Variants in KDM4C observed in about 807,000 individuals in gnomAD.
The protein encoded by KDM4C is lysine demethylase 4C.
KDM4C carries 81 observed loss-of-function variants against 129.3 expected under a neutral mutation model. The ratio of observed to expected loss-of-function variants is 0.63; its 90% CI spans 0.52 to 0.75. KDM4C has a LOEUF of 0.75. KDM4C is among the 30% of genes least tolerant of loss of function. The pLI is 0.00. For missense variants in KDM4C, 1,457 were observed against 1,304.0 expected (o/e 1.12, Z -1.81); for synonymous variants, 573 against 456.1 (o/e 1.26, Z -3.26).
chr9:6,755,185 C>A (rs995020232), upstream of KDM4C, among the ~76,000 whole-genome samples: 1 of 152,192 alleles, frequency 6.6e-6, no homozygotes, highest in African/African-American at 2.4e-5. Flanking sequence ...TCCTGGCTAA[C>A]ACGGTGAAAC....
intron 19 of KDM4C, among the ~76,000 whole-genome samples, chr9:7,151,288 C>A (rs533561849): frequency 6.8e-6 from 1 of 147,714 alleles, no homozygotes; most frequent in Non-Finnish European, 1.5e-5. Context: ...CCAAGTGTGA[C>A]TGGTGGAAAA....
At chr9:7,150,897 T>C (rs1446859795) in intron 19 of KDM4C, among the ~76,000 whole-genome samples, 2 of 152,236 alleles carry the variant, frequency 1.3e-5, no homozygotes, top group Non-Finnish European at 2.9e-5. Flanking sequence ...AATATACCTC[T>C]GAGGCTTAAT....
At chr9:7,153,923 C>T (rs1416906431) in intron 19 of KDM4C, among the ~76,000 whole-genome samples, 1 of 152,184 alleles carries the variant, frequency 6.6e-6, no homozygotes, top group Admixed American at 6.5e-5. Context: ...TGGACCTAAC[C>T]TCTGCTGTAG....
At chr9:6,916,625 T>A (rs1320719931) in intron 8 of KDM4C, among the ~76,000 whole-genome samples, 1 of 152,248 alleles carries the variant, frequency 6.6e-6, no homozygotes, top group Non-Finnish European at 1.5e-5. Context: ...CCAGCAAATA[T>A]ATATTAAGCT....
chr9:7,170,783 T>TTG, intron 21 of KDM4C: 3 of 983,466 alleles, frequency 3.1e-6, no homozygotes, highest in Non-Finnish European at 3.6e-6. Flanking sequence ...TATAGATTAT[T>TTG]TGGTTATTTT....
At chr9:6,833,569 T>C (rs1835305953) in intron 4 of KDM4C, among the ~76,000 whole-genome samples, 1 of 152,226 alleles carries the variant, frequency 6.6e-6, no homozygotes, top group Non-Finnish European at 1.5e-5. Flanking sequence ...CTTGGCAAGT[T>C]ATCTGTCTTT....
At chr9:7,170,033 C>G (rs937121265) in intron 21 of KDM4C, 143 bp downstream of exon 21, 5 of 1,532,924 alleles carry the variant, frequency 3.3e-6, no homozygotes, top group Non-Finnish European at 3.5e-6. Context: ...CTTAGTGGAA[C>G]CTATTGAATG....
intron 18 of KDM4C, among the ~76,000 whole-genome samples, chr9:7,122,265 A>ACACACACTCTCT (rs375655422): frequency 1.7e-4 from 24 of 144,822 alleles, no homozygotes; most frequent in East Asian, 8.3e-4. Context: ...ACACACACAC[A>ACACACACTCTCT]CTCTCTCTCT....
intron 8 of KDM4C, among the ~76,000 whole-genome samples, chr9:6,904,527 C>T (rs1452750716): frequency 6.6e-6 from 1 of 151,816 alleles, no homozygotes; most frequent in East Asian, 1.9e-4. Flanking sequence ...GCTCTGTTTG[C>T]ATTCCCTGGG....
At chr9:6,913,472 G>A (rs905710586) in intron 8 of KDM4C, among the ~76,000 whole-genome samples, 3 of 152,138 alleles carry the variant, frequency 2.0e-5, no homozygotes, top group African/African-American at 4.8e-5. Flanking sequence ...CATACCTTGC[G>A]CCAGCTGGTG....
chr9:7,049,985 G>T (rs1829919347), intron 17 of KDM4C, among the ~76,000 whole-genome samples: 1 of 152,036 alleles, frequency 6.6e-6, no homozygotes, highest in African/African-American at 2.4e-5. Flanking sequence ...TCCACTGAAG[G>T]TCTTTCCACT....
intron 3 of KDM4C, among the ~76,000 whole-genome samples, chr9:6,808,834 A>G (rs1447832256): frequency 6.6e-6 from 1 of 152,096 alleles, no homozygotes; most frequent in East Asian, 1.9e-4. Context: ...GTGTCAATGA[A>G]TTTGTGGGCA....
chr9:7,038,825 C>T (rs890449730), intron 15 of KDM4C, among the ~76,000 whole-genome samples: 1 of 151,944 alleles, frequency 6.6e-6, no homozygotes. Flanking sequence ...GGTTAGATCT[C>T]ATTCTTTTCC....
chr9:6,832,570 C>T (rs1251204565), intron 4 of KDM4C, among the ~76,000 whole-genome samples: 41 of 147,384 alleles, frequency 2.8e-4, no homozygotes, highest in African/African-American at 9.5e-4. Flanking sequence ...GGACTACAGG[C>T]GCCCGCCACC....
intron 8 of KDM4C, chr9:6,925,633 A>G: frequency 1.0e-6 from 1 of 985,404 alleles, no homozygotes; most frequent in Non-Finnish European, 1.2e-6. Context: ...GTTTACCATC[A>G]GCCCTTCACC....
chr9:6,732,681 G>C (rs1234940850), intron 1 of KDM4C, among the ~76,000 whole-genome samples: 5 of 152,268 alleles, frequency 3.3e-5, no homozygotes, highest in Non-Finnish European at 7.4e-5. Context: ...ATTGAACCCA[G>C]CCCTCTATTG....
intron 1 of KDM4C, among the ~76,000 whole-genome samples, chr9:6,770,977 T>C (rs1386342333): frequency 1.3e-5 from 2 of 151,408 alleles, no homozygotes; most frequent in Non-Finnish European, 2.9e-5. Flanking sequence ...GGTTTCACCA[T>C]ATTGGCCAAG....
Position 6,984,362 on chromosome 9 carries a change from A to T in KDM4C, c.1312A>T (p.Met438Leu), listed in dbSNP as rs1471848774. 2 of 1,613,866 alleles carry T rather than the reference A, an allele frequency of 1.2e-6. No individual in the cohort carries two copies. The highest frequency in any genetic ancestry group is 1.7e-6 in the Non-Finnish European group (2 of 1,179,754). Reference sequence around the variant, plus strand: ...AGAAGAAGAGTCATCTGCTAGCAGGATGCAGGTGGAGCAGAATTTATCAGA... The same window carrying T: ...AGAAGAAGAGTCATCTGCTAGCAGGTTGCAGGTGGAGCAGAATTTATCAGA... ...SSEEESSASR[M>L]QVEQNLSDHI... The change falls in exon 10 of 22, where the codon ATG (methionine) becomes TTG (leucine). Residue 438 changes from methionine (M) to leucine (L), a missense_variant. By Grantham distance (15) the Met-to-Leu change is conservative (BLOSUM62 2). Coordinates refer to ENST00000381309, the MANE Select transcript of KDM4C (RefSeq NM_015061.6).
chr9:7,168,108 A>C (rs1228881346), intron 20 of KDM4C, among the ~76,000 whole-genome samples: 1 of 152,202 alleles, frequency 6.6e-6, no homozygotes, highest in Non-Finnish European at 1.5e-5. Context: ...GAATCACTTG[A>C]ACCCAGGAGG....
Sources: allele counts gnomAD v4.1 joint callset (sites outside exome capture counted in the v4.1 genomes callset), GRCh38; gene constraint gnomAD v4.1.1; transcripts MANE v1.5; gene names NCBI Gene and HGNC (gene_info 2026-07-23, HGNC 2026-07-21).